The following GLDC variants were observed in gnomAD, a reference collection of about 807,000 sequenced individuals.
GLDC encodes glycine decarboxylase.
In GLDC, 104 loss-of-function variants were observed where a neutral mutation model predicts 121.3. That is an observed-to-expected ratio of 0.86 (90% confidence interval 0.73 to 1.01). GLDC has a LOEUF of 1.01. GLDC is among the 50% of genes least tolerant of loss of function. The pLI, the probability that GLDC is intolerant of heterozygous loss-of-function variation, is 0.00. For synonymous variants in GLDC, 546 were observed against 480.6 expected, an observed-to-expected ratio of 1.14 and a Z score of -1.78; for missense variants, 1,429 against 1,306.6, an observed-to-expected ratio of 1.09 and a Z score of -1.44.
At chr9:6,619,490 G>A (rs1819037695) in intron 3 of GLDC, among the ~76,000 whole-genome samples, 2 of 152,116 alleles carry the variant, frequency 1.3e-5, no homozygotes, top group South Asian at 2.1e-4. Context: ...CACTTTGGGA[G>A]GCTGAAGCGG....
rs150900801 is a variant in GLDC, at chr9:6,636,800, T to C, written c.334+7814A>G. Among the ~76,000 whole-genome samples, 1,085 of 151,854 alleles carry C rather than the reference T, an allele frequency of 7.1e-3. 9 individuals are homozygous for C. Among genetic ancestry groups the C allele is most frequent in the Non-Finnish European group, 0.01 (704 of 67,944 alleles). ...AAAAATAAAATTAAAAAACCCAAAA[T>C]AGTCCAGGCACAGTGGCTCATGACT... On this transcript the variant is annotated intron_variant, in intron 2 of 24. Transcript: ENST00000321612.
At chr9:6,564,201 T>A (rs1042115657) in intron 16 of GLDC, among the ~76,000 whole-genome samples, 3 of 151,440 alleles carry the variant, frequency 2.0e-5, no homozygotes, top group Non-Finnish European at 2.9e-5. Context: ...TGAGCCGAGA[T>A]TGGGCCATTG....
chr9:6,540,414 T>A (rs201568993), intron 21 of GLDC: 1 of 450,130 alleles, frequency 2.2e-6, no homozygotes, highest in South Asian at 2.2e-5. Context: ...TAATGGCAGG[T>A]GGGGGGCATT....
In GLDC at chr9:6,548,609, A is replaced by C. The variant is rs1461299998; in HGVS notation, c.2569+2194T>G. 4.6e-5 allele frequency among the ~76,000 whole-genome samples: 7 copies of C among 152,198 alleles called. No individual in the cohort carries two copies. In the East Asian group the frequency reaches 1.3e-3, roughly 29 times the overall value. On this transcript the variant is annotated intron_variant, in intron 21 of 24. Coordinates refer to ENST00000321612, the MANE Select transcript of GLDC (RefSeq NM_000170.3). ...AGCCATTAAATTAAAGATCACAGCT[A>C]TAGAGCTACATTCCACCTGGACCAG... is the stretch of plus-strand genomic sequence containing the variant.
intron 16 of GLDC, among the ~76,000 whole-genome samples, chr9:6,564,332 G>A (rs770968602): frequency 6.6e-6 from 1 of 152,092 alleles, no homozygotes; most frequent in South Asian, 2.1e-4. Context: ...CTATGCAAGG[G>A]AAGGAGGGAA....
At chr9:6,602,852 T>G (rs1158234760) in intron 7 of GLDC, among the ~76,000 whole-genome samples, 2 of 152,056 alleles carry the variant, frequency 1.3e-5, no homozygotes, top group East Asian at 3.8e-4. Context: ...TGGCTCTCTG[T>G]GGATTCTACA....
chr9:6,587,406 A>G (rs751904438), intron 14 of GLDC, 123 bp from the exon 15 acceptor site: 5 of 734,960 alleles, frequency 6.8e-6, no homozygotes, highest in Admixed American at 2.3e-5. Context: ...AGCGCTATAC[A>G]TATGTTAATT....
chr9:6,581,767 A>AGAAGGCCACAGACATTATGC (rs1163050729), intron 15 of GLDC, among the ~76,000 whole-genome samples: 2 of 152,352 alleles, frequency 1.3e-5, no homozygotes, highest in Admixed American at 6.5e-5. Context: ...TATTTACCAG[A>AGAAGGCCACAGACATTATGC]GAAGGCCACA....
At chr9:6,576,601 G>A (rs1307319917) in intron 15 of GLDC, among the ~76,000 whole-genome samples, 5 of 152,024 alleles carry the variant, frequency 3.3e-5, no homozygotes, top group African/African-American at 9.7e-5. Context: ...CGAGTAGCTG[G>A]GATTACAGGC....
chr9:6,616,191 T>G (rs1818964208), intron 3 of GLDC, among the ~76,000 whole-genome samples: 1 of 152,252 alleles, frequency 6.6e-6, no homozygotes, highest in African/African-American at 2.4e-5. Context: ...CATATGCTGA[T>G]AGACCTTTCC....
intron 2 of GLDC, among the ~76,000 whole-genome samples, chr9:6,641,396 G>C (rs1038494840): frequency 1.3e-5 from 2 of 152,202 alleles, no homozygotes; most frequent in African/African-American, 2.4e-5. Flanking sequence ...GTGCAACTGG[G>C]TTTGTGCACA....
chr9:6,540,250 G>C (rs2129663869), intron 21 of GLDC, 104 bp from the exon 22 acceptor site: 1 of 793,636 alleles, frequency 1.3e-6, no homozygotes. Flanking sequence ...CTTTTTATGT[G>C]TATCAGCGAG....
intron 15 of GLDC, among the ~76,000 whole-genome samples, chr9:6,574,552 G>A (rs1301350214): frequency 6.6e-6 from 1 of 152,012 alleles, no homozygotes; most frequent in African/African-American, 2.4e-5. Context: ...CAGAAATTCT[G>A]GGGTGCAGTC....
At chr9:6,559,814 CAAA>C (rs957545158) in intron 16 of GLDC, among the ~76,000 whole-genome samples, 1 of 140,496 alleles carries the variant, frequency 7.1e-6, no homozygotes. Context: ...GACTCCGTCT[CAAA>C]AAAAAAAAAT....
intron 20 of GLDC, among the ~76,000 whole-genome samples, 157 bp downstream of exon 20, chr9:6,553,211 A>C (rs911050625): frequency 1.2e-4 from 18 of 152,196 alleles, no homozygotes; most frequent in African/African-American, 4.3e-4. Flanking sequence ...CTCTTCAGGA[A>C]GGTTTCTTCC....
chr9:6,596,262 T>C (rs1818492498), intron 8 of GLDC, among the ~76,000 whole-genome samples: 2 of 152,210 alleles, frequency 1.3e-5, no homozygotes, highest in Non-Finnish European at 2.9e-5. Context: ...ATGTCCCTTT[T>C]TAATCTACAG....
At position 6,591,715 on chromosome 9, in the gene GLDC, A is replaced by G. The variant is rs1818378148; in HGVS notation, c.1482+428T>C. The G allele has an allele frequency of 3.3e-5, 7 of 214,688 alleles. No individual in the cohort carries two copies. The South Asian group carries it at 5.9e-4, about 18-fold the overall frequency. The allele number at this position is 214,688 out of a possible 1,614,324, so 13.3% of individuals were successfully genotyped here. A position where few individuals can be genotyped will look rare whatever the true frequency, so the allele number is the denominator to read the frequency against. ...TTCTCCCACCTCAGCCTCCTGAGTA[A>G]CTGGGATTACAGGTATGTGCCACCA... On this transcript the variant is annotated intron_variant, in intron 11 of 24. Coordinates refer to ENST00000321612, the MANE Select transcript of GLDC (RefSeq NM_000170.3).
chr9:6,578,080 A>G (rs998054610), intron 15 of GLDC, among the ~76,000 whole-genome samples: 1 of 151,616 alleles, frequency 6.6e-6, no homozygotes, highest in African/African-American at 2.4e-5. Context: ...GTGCCCAGCT[A>G]CTTTTTTAAT....
At chr9:6,607,677 T>G (rs1348225592) in intron 4 of GLDC, among the ~76,000 whole-genome samples, 2 of 151,942 alleles carry the variant, frequency 1.3e-5, no homozygotes, top group Non-Finnish European at 2.9e-5. Context: ...AGGGTCTCGG[T>G]CTATCGCTCA....
Sources: gnomAD v4.1 joint callset for allele counts (sites outside exome capture counted in the v4.1 genomes callset) on GRCh38, gnomAD v4.1.1 for gene constraint, MANE v1.5 for transcripts, NCBI Gene and HGNC (gene_info 2026-07-23, HGNC 2026-07-21) for gene names.